XKR4: variants seen among roughly 807,000 people sequenced by gnomAD.
The protein encoded by XKR4 is XK-related protein 4.
In XKR4, 12 loss-of-function variants were observed where a neutral mutation model predicts 53.9. That is an observed-to-expected ratio of 0.22 (90% CI 0.14 to 0.36). The LOEUF (loss-of-function observed/expected upper bound fraction) is 0.36, where lower values mean the gene tolerates loss of function less well. XKR4 is among the 10% of genes least tolerant of loss of function. The probability of loss-of-function intolerance (pLI) is 1.00; values close to 1 mark genes in which losing one functional copy is unlikely to be tolerated. For synonymous variants in XKR4, 354 were observed against 362.4 expected (o/e 0.98, Z 0.26); for missense variants, 799 against 859.5 (o/e 0.93, Z 0.88).
intron 1 of XKR4, among the ~76,000 whole-genome samples, chr8:55,185,130 A>G (rs75287880): frequency 0.21 from 31,347 of 152,198 alleles, 3,831 homozygotes; most frequent in Middle Eastern, 0.36. Flanking sequence ...AAGTAAATTT[A>G]TTTTTTAATA....
At chr8:55,407,779 A>T (rs1360857018) in intron 2 of XKR4, among the ~76,000 whole-genome samples, 3 of 152,246 alleles carry the variant, frequency 2.0e-5, no homozygotes, top group South Asian at 4.1e-4. Flanking sequence ...TAAATATTTC[A>T]GTTAAGCAGT....
intron 1 of XKR4, among the ~76,000 whole-genome samples, chr8:55,162,201 C>G (rs1816994712): frequency 6.6e-6 from 1 of 152,204 alleles, no homozygotes; most frequent in African/African-American, 2.4e-5. Flanking sequence ...TCACAGTCTA[C>G]TGTGGTCCCT....
At chr8:55,127,970 C>T (rs1379783477) in intron 1 of XKR4, among the ~76,000 whole-genome samples, 1 of 152,010 alleles carries the variant, frequency 6.6e-6, no homozygotes, top group Non-Finnish European at 1.5e-5. Flanking sequence ...TTTCTTAATC[C>T]AGTCTATTAT....
At chr8:55,258,050 TC>T (rs1371551775) in intron 1 of XKR4, among the ~76,000 whole-genome samples, 1 of 152,194 alleles carries the variant, frequency 6.6e-6, no homozygotes, top group African/African-American at 2.4e-5. Flanking sequence ...CCCAGGCACC[TC>T]ATCTAACAGC....
intron 2 of XKR4, among the ~76,000 whole-genome samples, chr8:55,397,583 A>AT (rs1804539807): frequency 1.2e-5 from 1 of 81,858 alleles, no homozygotes; most frequent in African/African-American, 7.4e-5. Flanking sequence ...ACGAAGTTCA[A>AT]TGTTTTTTTT....
intron 1 of XKR4, among the ~76,000 whole-genome samples, chr8:55,197,116 C>T (rs1262683024): frequency 1.3e-5 from 2 of 152,170 alleles, no homozygotes; most frequent in Admixed American, 1.3e-4. Flanking sequence ...TGATGGTTTA[C>T]ACTGCAGTTT....
chr8:55,193,907 C>T lies in XKR4; in HGVS notation c.806+90613C>T, dbSNP rs528668291. 5.9e-5 allele frequency among the ~76,000 whole-genome samples: 9 copies of T among 152,322 alleles called. 1 individual carries two copies. In the South Asian group the frequency reaches 1.9e-3, roughly 32 times the overall value. On this transcript the variant is annotated intron_variant, in intron 1 of 2. Coordinates refer to ENST00000327381, the MANE Select transcript of XKR4 (RefSeq NM_052898.2). ...ACCAGGCCACTCTGCCCTCCTGCCT[C>T]ATAGCCGACCTTGCAGAGTGGCTGG...
intron 1 of XKR4, among the ~76,000 whole-genome samples, chr8:55,236,401 A>C (rs894304970): frequency 6.6e-6 from 1 of 152,098 alleles, no homozygotes; most frequent in Non-Finnish European, 1.5e-5. Context: ...GAGATAATCG[A>C]TTCAACCTGA....
chr8:55,465,218 G>A (rs1481926903), intron 2 of XKR4, among the ~76,000 whole-genome samples: 1 of 152,110 alleles, frequency 6.6e-6, no homozygotes, highest in African/African-American at 2.4e-5. Context: ...GAGGCATCAT[G>A]CTACCTGACT....
chr8:55,411,776 G>A (rs1461453614), intron 2 of XKR4, among the ~76,000 whole-genome samples: 1 of 152,188 alleles, frequency 6.6e-6, no homozygotes, highest in African/African-American at 2.4e-5. Flanking sequence ...AAGTGGCCCA[G>A]GTGCAGTAAT....
rs541276218 is a variant in XKR4 at position 55,348,001 on chromosome 8, C to T, written c.807-9677C>T. Among the ~76,000 whole-genome samples, 11 of 152,274 alleles carry T rather than the reference C, an allele frequency of 7.2e-5. No homozygotes were observed. The South Asian group carries it at 2.1e-3, about 29-fold the overall frequency. On this transcript the variant is annotated intron_variant, in intron 1 of 2. Transcript: ENST00000327381. Reference sequence around the variant, plus strand: ...AAAGGAAAACCTTAGTGAGCCCCAACCTCCACCCTACCTAGCCCCCAGCCT... The same window carrying T: ...AAAGGAAAACCTTAGTGAGCCCCAATCTCCACCCTACCTAGCCCCCAGCCT...
intron 1 of XKR4, among the ~76,000 whole-genome samples, chr8:55,119,890 A>G (rs996494157): frequency 1.3e-5 from 2 of 152,236 alleles, no homozygotes; most frequent in Admixed American, 1.3e-4. Flanking sequence ...TTATTGGAAA[A>G]GGCATAAACA....
chr8:55,490,271 T>A (rs1043572190), intron 2 of XKR4, among the ~76,000 whole-genome samples: 3 of 152,226 alleles, frequency 2.0e-5, no homozygotes, highest in African/African-American at 7.2e-5. Flanking sequence ...TGTAAAATGA[T>A]GTTCTTTGCA....
chr8:55,205,784 T>C (rs1194479895), intron 1 of XKR4, among the ~76,000 whole-genome samples: 1 of 152,240 alleles, frequency 6.6e-6, no homozygotes, highest in Admixed American at 6.5e-5. Flanking sequence ...ATGGTCTTAC[T>C]GTGTCCGGAA....
chr8:55,204,125 C>T (rs191832551), intron 1 of XKR4, among the ~76,000 whole-genome samples: 16 of 151,910 alleles, frequency 1.1e-4, no homozygotes, highest in Admixed American at 2.6e-4. Flanking sequence ...GCCCTCCCAC[C>T]GCAGTCTCTG....
chr8:55,387,857 T>C (rs934748619), intron 2 of XKR4, among the ~76,000 whole-genome samples: 2 of 152,152 alleles, frequency 1.3e-5, no homozygotes, highest in Admixed American at 1.3e-4. Context: ...GCCCCATCTC[T>C]GTTCCCACTC....
intron 2 of XKR4, among the ~76,000 whole-genome samples, chr8:55,402,997 G>A (rs1346228822): frequency 6.6e-6 from 1 of 152,118 alleles, no homozygotes; most frequent in African/African-American, 2.4e-5. Flanking sequence ...GAGCAGGCTG[G>A]GGTTTGGTTC....
intron 1 of XKR4, among the ~76,000 whole-genome samples, chr8:55,268,621 A>G (rs1818644562): frequency 6.6e-6 from 1 of 152,198 alleles, no homozygotes; most frequent in Admixed American, 6.5e-5. Flanking sequence ...TCCCTTCAAA[A>G]AAGATAGTTA....
At chr8:55,110,038 A>G (rs1816210611) in intron 1 of XKR4, among the ~76,000 whole-genome samples, 2 of 152,148 alleles carry the variant, frequency 1.3e-5, no homozygotes, top group Non-Finnish European at 2.9e-5. Flanking sequence ...TTCTTTACTT[A>G]CTTTAGAAAT....
Sources: allele counts gnomAD v4.1 joint callset (sites outside exome capture counted in the v4.1 genomes callset), GRCh38; gene constraint gnomAD v4.1.1; transcripts MANE v1.5; gene names NCBI Gene and HGNC (gene_info 2026-07-23, HGNC 2026-07-21).